The following SV2C variants were observed in gnomAD, a reference collection of about 807,000 sequenced individuals.
SV2C encodes synaptic vesicle glycoprotein 2C.
A neutral mutation model predicts 79.7 loss-of-function variants in SV2C; 49 were observed. That is an observed-to-expected ratio of 0.61 (90% CI 0.49 to 0.78). SV2C has a LOEUF of 0.78. SV2C is among the 30% of genes least tolerant of loss of function. The pLI, the probability that SV2C is intolerant of heterozygous loss-of-function variation, is 0.00. For synonymous variants in SV2C, 334 were observed against 333.2 expected (o/e 1.00, Z -0.03); for missense variants, 833 against 912.9 (o/e 0.91, Z 1.13).
chr5:76,126,091 G>A (rs912056869), intron 1 of SV2C, among the ~76,000 whole-genome samples: 3 of 152,058 alleles, frequency 2.0e-5, no homozygotes, highest in Non-Finnish European at 4.4e-5. Context: ...ACTTTATGGT[G>A]TTCCTTTTTA....
chr5:76,236,113 C>CA (rs1745602782), intron 4 of SV2C, among the ~76,000 whole-genome samples: 2 of 152,308 alleles, frequency 1.3e-5, no homozygotes, highest in Admixed American at 6.5e-5. Context: ...ACCATGTCAG[C>CA]AGCATACCCA....
intron 4 of SV2C, among the ~76,000 whole-genome samples, chr5:76,246,472 T>C (rs1232532688): frequency 6.6e-6 from 1 of 152,224 alleles, no homozygotes; most frequent in African/African-American, 2.4e-5. Flanking sequence ...GACCTAACTC[T>C]GACAGGCAGC....
At chr5:75,859,945 C>T in the SV2C span, among the ~76,000 whole-genome samples, 2 of 152,154 alleles carry the variant, frequency 1.3e-5, no homozygotes, top group African/African-American at 4.8e-5. Context: ...AGCTTGTAAA[C>T]CAATAAATTA....
the SV2C span, among the ~76,000 whole-genome samples, chr5:75,994,452 G>T: frequency 6.6e-6 from 1 of 152,006 alleles, no homozygotes; most frequent in South Asian, 2.1e-4. Context: ...CTTCTTAAGA[G>T]TCTTTCTGAA....
At chr5:76,345,650 T>C (rs747200131) in intron 12 of SV2C, among the ~76,000 whole-genome samples, 2 of 152,222 alleles carry the variant, frequency 1.3e-5, no homozygotes, top group African/African-American at 4.8e-5. Context: ...CTTTCATCTG[T>C]TGGCTAACTC....
chr5:75,980,391 A>G, the SV2C span, among the ~76,000 whole-genome samples: 1 of 152,100 alleles, frequency 6.6e-6, no homozygotes, highest in Admixed American at 6.6e-5. Context: ...TGATACCAAA[A>G]CCTGGCAGAG....
intron 12 of SV2C, among the ~76,000 whole-genome samples, chr5:76,348,065 T>C (rs540650330): frequency 6.6e-6 from 1 of 152,190 alleles, no homozygotes; most frequent in African/African-American, 2.4e-5. Flanking sequence ...TCCTCTGTGC[T>C]CCAACTATTC....
intron 2 of SV2C, among the ~76,000 whole-genome samples, chr5:76,133,144 T>C (rs1215069269): frequency 6.6e-6 from 1 of 152,172 alleles, no homozygotes; most frequent in Non-Finnish European, 1.5e-5. Flanking sequence ...GAAGCAAGCA[T>C]GCAGTGAACT....
Position 76,131,688 on chromosome 5 carries a change from T to TCGGTGGTCGCC in SV2C, c.-63_-62insCGGTGGTCGCC. ...CCAAAGTGGATGATGCTGTCAGAGC[T>TCGGTGGTCGCC]GAACCACTGAAAGGAGGCTGTGAAA... On this transcript the variant is annotated 5_prime_UTR_variant, in exon 2 of 13. It removes the in-frame stop codon of an upstream open reading frame in the 5' UTR. Coordinates refer to ENST00000502798, the MANE Select transcript of SV2C (RefSeq NM_014979.4). 3 of 1,433,336 alleles carry TCGGTGGTCGCC rather than the reference T, an allele frequency of 2.1e-6. No individual in the cohort carries two copies. The highest frequency in any genetic ancestry group is 2.1e-5 in the Admixed American group (1 of 48,326). The allele number at this position is 1,433,336 out of a possible 1,614,324, so 88.8% of individuals were successfully genotyped here. A position where few individuals can be genotyped will look rare whatever the true frequency, so the allele number is the denominator to read the frequency against.
chr5:75,964,258 A>G, the SV2C span, among the ~76,000 whole-genome samples: 4 of 152,190 alleles, frequency 2.6e-5, no homozygotes, highest in Non-Finnish European at 5.9e-5. Context: ...AGGCTGTTCT[A>G]CCAACAGGCT....
the SV2C span, among the ~76,000 whole-genome samples, chr5:76,033,221 T>C: frequency 6.6e-6 from 1 of 152,148 alleles, no homozygotes; most frequent in South Asian, 2.1e-4. Context: ...GATGGTAGTT[T>C]CTTTTGCTGT....
At chr5:76,158,173 A>G (rs1315777655) in intron 2 of SV2C, among the ~76,000 whole-genome samples, 1 of 151,948 alleles carries the variant, frequency 6.6e-6, no homozygotes, top group Non-Finnish European at 1.5e-5. Context: ...GTAGAATGGT[A>G]GACATAAATT....
intron 4 of SV2C, among the ~76,000 whole-genome samples, chr5:76,258,076 G>A (rs922114260): frequency 6.7e-6 from 1 of 148,450 alleles, no homozygotes; most frequent in Non-Finnish European, 1.5e-5. Flanking sequence ...GTAGTATGGG[G>A]GGTGTGGTAT....
the SV2C span, among the ~76,000 whole-genome samples, chr5:75,904,623 A>G: frequency 6.6e-6 from 1 of 152,212 alleles, no homozygotes; most frequent in Non-Finnish European, 1.5e-5. Flanking sequence ...ATCTGTCTGC[A>G]CAACTCAATG....
the SV2C span, among the ~76,000 whole-genome samples, chr5:76,004,816 T>C: frequency 1.3e-5 from 2 of 152,082 alleles, no homozygotes; most frequent in African/African-American, 4.8e-5. Context: ...TTGCCCAAGG[T>C]CATATAACCA....
At chr5:75,989,774 T>A in the SV2C span, among the ~76,000 whole-genome samples, 1 of 152,096 alleles carries the variant, frequency 6.6e-6, no homozygotes, top group Non-Finnish European at 1.5e-5. Flanking sequence ...TTCCTATTTC[T>A]CCACAAACTC....
chr5:76,225,441 A>G (rs914125926), intron 4 of SV2C, among the ~76,000 whole-genome samples: 4 of 152,230 alleles, frequency 2.6e-5, no homozygotes, highest in African/African-American at 9.6e-5. Context: ...ACTTGCAAAG[A>G]GGTTGGAAAA....
chr5:76,065,898 A>G, the SV2C span, among the ~76,000 whole-genome samples: 1 of 152,036 alleles, frequency 6.6e-6, no homozygotes, highest in Admixed American at 6.6e-5. Context: ...TTTAGGATAG[A>G]CTCCGGAAGG....
At chr5:75,970,467 C>T in the SV2C span, among the ~76,000 whole-genome samples, 59 of 151,900 alleles carry the variant, frequency 3.9e-4, 1 homozygote, top group African/African-American at 1.2e-3. Flanking sequence ...ATCAAATAGA[C>T]GCAATAAAAA....
Sources: gnomAD v4.1 joint callset for allele counts (sites outside exome capture counted in the v4.1 genomes callset) on GRCh38, gnomAD v4.1.1 for gene constraint, MANE v1.5 for transcripts, NCBI Gene and HGNC (gene_info 2026-07-23, HGNC 2026-07-21) for gene names.